TAX1BP1: variants seen among roughly 807,000 people sequenced by gnomAD.
TAX1BP1 encodes the protein tax1-binding protein 1.
A neutral mutation model predicts 97.7 loss-of-function variants in TAX1BP1; 62 were observed. The observed-to-expected ratio is 0.63, with a 90% CI of 0.52 to 0.78. The LOEUF (loss-of-function observed/expected upper bound fraction) is 0.78, where lower values mean the gene tolerates loss of function less well. TAX1BP1 is among the 30% of genes least tolerant of loss of function. The pLI, the probability that TAX1BP1 is intolerant of heterozygous loss-of-function variation, is 0.00. For missense variants in TAX1BP1, 867 were observed against 916.1 expected, an observed-to-expected ratio of 0.95 and a Z score of 0.69; for synonymous variants, 340 against 304.2, an observed-to-expected ratio of 1.12 and a Z score of -1.23.
At chr7:27,795,186 G>C (rs1416704377) in intron 11 of TAX1BP1, among the ~76,000 whole-genome samples, 2 of 152,090 alleles carry the variant, frequency 1.3e-5, no homozygotes, top group African/African-American at 2.4e-5. Context: ...TTAAATATTA[G>C]GTTTATCCCC....
At chr7:27,761,790 T>C (rs1788438630) in intron 3 of TAX1BP1, among the ~76,000 whole-genome samples, 1 of 152,230 alleles carries the variant, frequency 6.6e-6, no homozygotes, top group African/African-American at 2.4e-5. Flanking sequence ...ATAAACACTC[T>C]TGTGCAAGTT....
chr7:27,787,276 A>T, intron 7 of TAX1BP1, 142 bp from the exon 8 acceptor site: 1 of 634,944 alleles, frequency 1.6e-6, no homozygotes, highest in Non-Finnish European at 2.5e-6. Flanking sequence ...ATTTGGCAGA[A>T]CCTGGGTCTC....
Position 27,766,006 on chromosome 7 carries a change from AGCAG to A in TAX1BP1, c.441_444del (p.Gly148PhefsTer4). On this transcript the variant is annotated frameshift_variant, in exon 4 of 17. Transcript: ENST00000396319. LOFTEE classifies it high-confidence loss of function. The stretch of plus-strand genomic sequence containing the variant: ...CTGACATGTTAGTGGTGACCACAAA[AGCAG>A]GCCTTCTTGAGGTTGGTGTTCACAG... 1 of 1,613,896 alleles carries A rather than the reference AGCAG, an allele frequency of 6.2e-7. No individual in the cohort carries two copies.
chr7:27,765,795 T>G, intron 3 of TAX1BP1, 39 bp from the exon 4 acceptor site: 4 of 1,519,402 alleles, frequency 2.6e-6, no homozygotes, highest in Non-Finnish European at 3.6e-6. Context: ...AATTTTATAA[T>G]AGGAAGTTTA....
chr7:27,792,101 T>C lies in TAX1BP1; in HGVS notation c.1134T>C (p.Ser378=). 6.2e-7 allele frequency: 1 copy of C among 1,614,078 alleles called. No individual in the cohort carries two copies. The highest frequency in any genetic ancestry group is 8.5e-7 in the Non-Finnish European group (1 of 1,180,018). The change falls in exon 9 of 17, where the codon AGT becomes AGC. Residue 378 remains serine (S), a synonymous_variant. Coordinates refer to ENST00000396319, the MANE Select transcript of TAX1BP1 (RefSeq NM_006024.7). ...QEVVFLAKEL[S]DAVNVRDRTM... ...TTGTCTTTCTGGCTAAAGAACTCAG[T>C]GATGCTGTCAACGTACGAGACAGAA...
At chr7:27,818,428 G>C (rs1479908828) in intron 15 of TAX1BP1, among the ~76,000 whole-genome samples, 2 of 152,160 alleles carry the variant, frequency 1.3e-5, no homozygotes, top group Non-Finnish European at 2.9e-5. Flanking sequence ...CAAATGAAGT[G>C]TTTTAGTAAG....
At position 27,829,422 on chromosome 7, in the gene TAX1BP1, A is replaced by C. The variant is rs546751588; in HGVS notation, c.*593A>C. 1 of 152,324 alleles carries C rather than the reference A, an allele frequency of 6.6e-6. No homozygotes were observed. Among genetic ancestry groups the C allele is most frequent in the Non-Finnish European group, 1.5e-5 (1 of 68,018 alleles). The allele number at this position is 152,324 out of a possible 1,614,324, so 9.4% of individuals were successfully genotyped here. The stretch of plus-strand genomic sequence containing the variant: ...AATTAACAGAAGGCATACTTTGCTA[A>C]TTTTATGGCAAAATTTTAGAATAAC... On this transcript the variant is annotated 3_prime_UTR_variant, in exon 17 of 17. Transcript: ENST00000396319.
intron 5 of TAX1BP1, among the ~76,000 whole-genome samples, chr7:27,783,988 C>T (rs1583702729): frequency 6.6e-6 from 1 of 152,104 alleles, no homozygotes; most frequent in Non-Finnish European, 1.5e-5. Context: ...CAAACATTTG[C>T]TTTGACCAAA....
intron 1 of TAX1BP1, among the ~76,000 whole-genome samples, chr7:27,742,874 C>A (rs567498825): frequency 2.6e-5 from 4 of 152,312 alleles, no homozygotes; most frequent in African/African-American, 9.6e-5. Context: ...TTTTGGAATT[C>A]AAAGTTTCAA....
intron 13 of TAX1BP1, among the ~76,000 whole-genome samples, chr7:27,803,412 T>C (rs1268815081): frequency 6.6e-6 from 1 of 152,240 alleles, no homozygotes; most frequent in Non-Finnish European, 1.5e-5. Context: ...CATAGAGCAA[T>C]ACATTTGTAA....
intron 13 of TAX1BP1, chr7:27,803,181 G>T: frequency 1.3e-6 from 2 of 1,538,908 alleles, no homozygotes; most frequent in South Asian, 2.4e-5. Context: ...CAGGGAGAAG[G>T]TATTGAGCAA....
intron 5 of TAX1BP1, among the ~76,000 whole-genome samples, chr7:27,770,912 C>G (rs1788819778): frequency 1.3e-5 from 2 of 151,878 alleles, no homozygotes; most frequent in Admixed American, 1.3e-4. Flanking sequence ...TAAAAATATG[C>G]AAGTATTTCC....
rs1325817768 is a variant in TAX1BP1, at chr7:27,791,985, ATATT to A, written c.1039-17_1039-14del. On this transcript the variant is annotated splice_polypyrimidine_tract_variant and intron_variant, in intron 8 of 16. Transcript: ENST00000396319. The stretch of plus-strand genomic sequence containing the variant: ...TTACTTGAGTGGTTGAATTACAAAT[ATATT>A]TATCTGCTTTCTTCAGGAAGATACT... 6.2e-7 allele frequency: 1 copy of A among 1,608,366 alleles called. No homozygotes were observed. Among genetic ancestry groups the A allele is most frequent in the South Asian group, 1.1e-5 (1 of 90,712 alleles).
Position 27,748,677 on chromosome 7 carries a change from T to C in TAX1BP1, c.153T>C (p.Gly51=). The C allele has an allele frequency of 3.9e-6, 6 of 1,542,382 alleles. No individual in the cohort carries two copies. The highest frequency in any genetic ancestry group is 4.4e-6 in the Non-Finnish European group (5 of 1,139,164). The part of the protein sequence containing the change: ...YIHPHPKDWV[G]IFKVGWSTAR... Reference sequence around the variant, plus strand: ...ATCCACATCCAAAAGATTGGGTTGGTATATTCAAGGTAAGAAAGCTTTCTG... The same window carrying C: ...ATCCACATCCAAAAGATTGGGTTGGCATATTCAAGGTAAGAAAGCTTTCTG... The change falls in exon 2 of 17, where the codon GGT becomes GGC. Residue 51 remains glycine (G), a synonymous_variant. Transcript: ENST00000396319.
chr7:27,754,220 C>T (rs560512235), intron 2 of TAX1BP1, among the ~76,000 whole-genome samples: 2 of 152,072 alleles, frequency 1.3e-5, no homozygotes, highest in East Asian at 3.9e-4. Flanking sequence ...GCTTGAATAT[C>T]CTGTTTCAAG....
At chr7:27,767,707 A>C (rs1031084777) in intron 4 of TAX1BP1, among the ~76,000 whole-genome samples, 5 of 152,046 alleles carry the variant, frequency 3.3e-5, no homozygotes, top group African/African-American at 1.2e-4. Context: ...CCAACAGAAA[A>C]GTGATGGGCA....
intron 2 of TAX1BP1, among the ~76,000 whole-genome samples, chr7:27,754,396 TATAA>T (rs1266424321): frequency 2.0e-5 from 3 of 148,100 alleles, no homozygotes; most frequent in Non-Finnish European, 4.5e-5. Context: ...ATATATAATA[TATAA>T]ATATTTATAA....
chr7:27,811,458 G>T (rs1046030342), intron 13 of TAX1BP1, among the ~76,000 whole-genome samples: 3 of 151,950 alleles, frequency 2.0e-5, no homozygotes, highest in African/African-American at 7.3e-5. Flanking sequence ...ATTTATATAG[G>T]TAAAAATGTG....
chr7:27,778,429 A>C (rs1004969160), intron 5 of TAX1BP1, among the ~76,000 whole-genome samples: 8 of 152,090 alleles, frequency 5.3e-5, no homozygotes, highest in Admixed American at 3.3e-4. Context: ...GTGGACTTTT[A>C]TTTAATATGC....
Sources: gnomAD v4.1 joint callset for allele counts (sites outside exome capture counted in the v4.1 genomes callset) on GRCh38, gnomAD v4.1.1 for gene constraint, MANE v1.5 for transcripts, NCBI Gene and HGNC (gene_info 2026-07-23, HGNC 2026-07-21) for gene names.